The following LRMDA variants were observed in gnomAD, a reference collection of about 807,000 sequenced individuals.
LRMDA encodes the protein leucine-rich melanocyte differentiation-associated protein.
LRMDA carries 18 observed loss-of-function variants against 29.8 expected under a neutral mutation model. The observed-to-expected ratio is 0.60, with a 90% CI of 0.42 to 0.90. The LOEUF (loss-of-function observed/expected upper bound fraction) is 0.90, where lower values mean the gene tolerates loss of function less well. Ranked by LOEUF, LRMDA falls within the 40% of genes least tolerant of loss-of-function variation. The probability of loss-of-function intolerance (pLI) is 0.00; values close to 1 mark genes in which losing one functional copy is unlikely to be tolerated. For synonymous variants in LRMDA, 125 were observed against 109.4 expected (o/e 1.14, Z -0.89); for missense variants, 273 against 273.9 (o/e 1.00, Z 0.02).
intron 2 of LRMDA, among the ~76,000 whole-genome samples, chr10:75,968,668 C>G (rs1846910635): frequency 6.6e-6 from 1 of 152,144 alleles, no homozygotes; most frequent in Non-Finnish European, 1.5e-5. Flanking sequence ...GGGCTAAAAT[C>G]TGGGGAAATA....
chr10:76,345,617 A>G (rs140940118), intron 6 of LRMDA, among the ~76,000 whole-genome samples: 1 of 151,942 alleles, frequency 6.6e-6, no homozygotes, highest in Non-Finnish European at 1.5e-5. Flanking sequence ...ATGCATGATA[A>G]TAGTGACAAT....
chr10:75,860,478 T>G (rs1415624094), intron 2 of LRMDA, among the ~76,000 whole-genome samples: 1 of 152,138 alleles, frequency 6.6e-6, no homozygotes, highest in East Asian at 1.9e-4. Flanking sequence ...TGCACCAGCA[T>G]GACTGGCTAA....
At chr10:75,697,955 C>T (rs1001572160) in intron 2 of LRMDA, among the ~76,000 whole-genome samples, 7 of 152,064 alleles carry the variant, frequency 4.6e-5, no homozygotes, top group African/African-American at 1.7e-4. Flanking sequence ...TGTTGGTTGC[C>T]ATCCTAAGTG....
intron 2 of LRMDA, among the ~76,000 whole-genome samples, chr10:75,975,901 C>T (rs753874578): frequency 4.8e-4 from 73 of 152,192 alleles, no homozygotes; most frequent in Non-Finnish European, 1.3e-4. Context: ...TGAATCTCTT[C>T]CACCACCACC....
intron 5 of LRMDA, among the ~76,000 whole-genome samples, chr10:76,308,619 C>T (rs1434227203): frequency 2.6e-5 from 4 of 152,146 alleles, no homozygotes. Context: ...GGGGCTGCTG[C>T]TTTCTCACCA....
intron 2 of LRMDA, among the ~76,000 whole-genome samples, chr10:75,800,533 G>A (rs569029636): frequency 1.3e-3 from 194 of 151,514 alleles, no homozygotes; most frequent in African/African-American, 4.4e-3. Flanking sequence ...CGCCTCCCGC[G>A]TTCAAGTGAT....
intron 5 of LRMDA, among the ~76,000 whole-genome samples, chr10:76,219,941 C>G (rs1418653971): frequency 6.6e-6 from 1 of 152,160 alleles, no homozygotes; most frequent in East Asian, 1.9e-4. Context: ...TGCAATCAAA[C>G]TAGAACTCAG....
At chr10:76,337,697 T>C (rs1840986425) in intron 6 of LRMDA, among the ~76,000 whole-genome samples, 1 of 152,058 alleles carries the variant, frequency 6.6e-6, no homozygotes, top group Non-Finnish European at 1.5e-5. Flanking sequence ...TTAAAGAATT[T>C]ATTTGAGCAG....
chr10:76,247,853 C>T (rs181486342), intron 5 of LRMDA, among the ~76,000 whole-genome samples: 2 of 152,176 alleles, frequency 1.3e-5, no homozygotes, highest in East Asian at 1.9e-4. Flanking sequence ...GAGTGCCTTC[C>T]GGAGGTTGAG....
chr10:76,108,237 G>A (rs1038530108), intron 5 of LRMDA, among the ~76,000 whole-genome samples: 2 of 152,072 alleles, frequency 1.3e-5, no homozygotes, highest in African/African-American at 4.8e-5. Flanking sequence ...CCAATTGATC[G>A]GCGAACAAAT....
chr10:75,530,489 C>T (rs1326341572), intron 2 of LRMDA, among the ~76,000 whole-genome samples: 1 of 152,142 alleles, frequency 6.6e-6, no homozygotes, highest in Non-Finnish European at 1.5e-5. Context: ...TGTGTTGCCC[C>T]CTCCTTGCTG....
rs577483049 is a variant in LRMDA, at chr10:76,432,980, G to A, written c.601+108495G>A. ...TATCAGCACAGAGGCCCAGGAAGAA[G>A]GACAGAATGGACTGCTGGCGGATGA... On this transcript the variant is annotated intron_variant, in intron 6 of 6. Coordinates refer to ENST00000611255, the MANE Select transcript of LRMDA (RefSeq NM_001305581.2). 2.3e-3 allele frequency among the ~76,000 whole-genome samples: 343 copies of A among 152,318 alleles called. 2 individuals are homozygous for A. The highest frequency in any genetic ancestry group is 7.6e-3 in the African/African-American group (316 of 41,578).
intron 5 of LRMDA, among the ~76,000 whole-genome samples, chr10:76,143,085 C>A (rs533114858): frequency 6.6e-6 from 1 of 152,270 alleles, no homozygotes; most frequent in South Asian, 2.1e-4. Flanking sequence ...TTAATCCAGT[C>A]TATCGTTATT....
intron 2 of LRMDA, among the ~76,000 whole-genome samples, chr10:75,488,755 G>C (rs1017649491): frequency 6.6e-6 from 1 of 152,106 alleles, no homozygotes; most frequent in Admixed American, 6.5e-5. Flanking sequence ...TGAAGCCAAA[G>C]GAAAATTTAG....
intron 5 of LRMDA, among the ~76,000 whole-genome samples, chr10:76,098,347 T>A (rs2132099388): frequency 6.6e-6 from 1 of 152,344 alleles, no homozygotes; most frequent in South Asian, 2.1e-4. Flanking sequence ...AGAAGATTTT[T>A]AACTACAAAT....
At chr10:76,206,085 G>T (rs986431688) in intron 5 of LRMDA, among the ~76,000 whole-genome samples, 1 of 152,142 alleles carries the variant, frequency 6.6e-6, no homozygotes, top group African/African-American at 2.4e-5. Flanking sequence ...ATCAAAAGAC[G>T]CATCTGGATT....
At chr10:76,539,674 C>T (rs996495026) in intron 6 of LRMDA, among the ~76,000 whole-genome samples, 1 of 152,118 alleles carries the variant, frequency 6.6e-6, no homozygotes, top group African/African-American at 2.4e-5. Context: ...TTCCTGACCT[C>T]CTTCAGTCAA....
chr10:75,700,256 G>GTTT (rs34497500), intron 2 of LRMDA, among the ~76,000 whole-genome samples: 53 of 140,584 alleles, frequency 3.8e-4, no homozygotes, highest in African/African-American at 1.2e-3. Flanking sequence ...CTTTGTGTGA[G>GTTT]TTTTTTTTTT....
intron 5 of LRMDA, among the ~76,000 whole-genome samples, chr10:76,082,324 G>A (rs1009657715): frequency 6.6e-6 from 1 of 152,028 alleles, no homozygotes; most frequent in Non-Finnish European, 1.5e-5. Flanking sequence ...TGATTTCCCT[G>A]CCTGTCACTT....
Sources: allele counts gnomAD v4.1 joint callset (sites outside exome capture counted in the v4.1 genomes callset), GRCh38; gene constraint gnomAD v4.1.1; transcripts MANE v1.5; gene names NCBI Gene and HGNC (gene_info 2026-07-23, HGNC 2026-07-21).